The following SBNO2 variants were observed in gnomAD, a reference collection of about 807,000 sequenced individuals.
SBNO2 encodes the protein protein strawberry notch homolog 2.
In SBNO2, 89 loss-of-function variants were observed where a neutral mutation model predicts 146.3. The ratio of observed to expected loss-of-function variants is 0.61; its 90% CI spans 0.51 to 0.73. The LOEUF (loss-of-function observed/expected upper bound fraction) is 0.73, where lower values mean the gene tolerates loss of function less well. Among genes scored for constraint, SBNO2 ranks in the 30% least tolerant of loss-of-function variants. The probability of loss-of-function intolerance (pLI) is 0.00; values close to 1 mark genes in which losing one functional copy is unlikely to be tolerated. For synonymous variants in SBNO2, 1,147 were observed against 892.6 expected (o/e 1.29, Z -5.08); for missense variants, 2,092 against 2,003.7 (o/e 1.04, Z -0.84).
At chr19:1,171,059 A>G (rs1227852713) in intron 1 of SBNO2, among the ~76,000 whole-genome samples, 1 of 151,996 alleles carries the variant, frequency 6.6e-6, no homozygotes, top group Non-Finnish European at 1.5e-5. Flanking sequence ...ACATGGGTAC[A>G]CACAGGCACA....
At position 1,110,362 on chromosome 19, in the gene SBNO2, T is replaced by C. The variant is rs572453636; in HGVS notation, c.3028+383A>G. ...GCCCCGTGAAGCCTGGGGATGAGCA[T>C]GGTGGGCAGCGTGCACCAGCCTGGG... On this transcript the variant is annotated intron_variant, in intron 26 of 31. Coordinates refer to ENST00000361757, the MANE Select transcript of SBNO2 (RefSeq NM_014963.3). The surrounding 1 kb of genome is among the most constrained non-coding windows in gnomAD (Gnocchi z 4.9). Among the ~76,000 whole-genome samples, 1 of 152,162 alleles carries C rather than the reference T, an allele frequency of 6.6e-6. No homozygotes were observed. The highest frequency in any genetic ancestry group is 2.4e-5 in the African/African-American group (1 of 41,426).
chr19:1,141,118 C>G (rs1476833214), intron 4 of SBNO2, among the ~76,000 whole-genome samples: 1 of 151,790 alleles, frequency 6.6e-6, no homozygotes, highest in Non-Finnish European at 1.5e-5. Context: ...AACACGCGCC[C>G]CGGAGAAGAG....
Position 1,112,495 on chromosome 19 carries a change from G to T in SBNO2, c.2422C>A (p.Leu808Ile). 6.2e-7 allele frequency: 1 copy of T among 1,606,314 alleles called. No homozygotes were observed. ...ISEASSSGVS[L>I]QADRRVQNQR... is the part of the protein sequence containing the mutation. ...TTCTGGACACGGCGGTCGGCTTGGA[G>T]GGAGACACCCGAGCTGGAGGCCTCC... is the stretch of plus-strand genomic sequence containing the variant. Residue 808 changes from leucine to isoleucine, a missense_variant, in exon 21 of 32, where the codon CTC becomes ATC. By Grantham distance (5) the Leu-to-Ile change is conservative. Transcript: ENST00000361757. The surrounding 1 kb of genome is among the most constrained non-coding windows in gnomAD (Gnocchi z 5.9).
chr19:1,112,316 GCT>G lies in SBNO2; in HGVS notation c.2516-17_2516-16del. 1 of 1,576,624 alleles carries G rather than the reference GCT, an allele frequency of 6.3e-7. No homozygotes were observed. The highest frequency in any genetic ancestry group is 8.6e-7 in the Non-Finnish European group (1 of 1,162,762). ...GTGGGTGCGGCCTGGGGGCAGAGCTGCTCTCAGGGCCCGGCCAGGCGGGGGCG... is the reference window on the plus strand; with the variant it reads ...GTGGGTGCGGCCTGGGGGCAGAGCTGCTCAGGGCCCGGCCAGGCGGGGGCG... On this transcript the variant is annotated splice_polypyrimidine_tract_variant and intron_variant, in intron 21 of 31. Transcript: ENST00000361757. The surrounding 1 kb of genome is among the most constrained non-coding windows in gnomAD (Gnocchi z 5.9).
In SBNO2 at chr19:1,110,840, T is replaced by G; in HGVS notation, c.2933A>C (p.His978Pro). The G allele has an allele frequency of 6.2e-7, 1 of 1,613,630 alleles. No homozygotes were observed. Among genetic ancestry groups the G allele is most frequent in the Non-Finnish European group, 8.5e-7 (1 of 1,179,706 alleles). The change falls in exon 26 of 32, where the codon CAC (histidine) becomes CCC (proline). Residue 978 changes from histidine to proline, a missense_variant. Coordinates refer to ENST00000361757, the MANE Select transcript of SBNO2 (RefSeq NM_014963.3). The surrounding 1 kb of genome is among the most constrained non-coding windows in gnomAD (Gnocchi z 4.9). ...FLNRILGLEV[H>P]KQNALFQYFS... ...GTACTGGAACAGGGCGTTCTGCTTG[T>G]GCACCTCCAGCCCCAGGATGCGGTT...
In SBNO2 at chr19:1,116,818, G is replaced by A. The variant is rs753312066; in HGVS notation, c.1802+11C>T. On this transcript the variant is annotated intron_variant, in intron 16 of 31. Transcript: ENST00000361757. ...GGAAGCCCACAGTCCTGTCCCCACC[G>A]TGACACTTACTCAGCGGCCGAGACG... is the stretch of plus-strand genomic sequence containing the variant. 1.1e-5 allele frequency: 18 copies of A among 1,576,852 alleles called. No homozygotes were observed. In the South Asian group the frequency reaches 1.5e-4, roughly 13 times the overall value.
At chr19:1,131,093 G>A (rs2145251923) in intron 4 of SBNO2, among the ~76,000 whole-genome samples, 1 of 152,260 alleles carries the variant, frequency 6.6e-6, no homozygotes, top group East Asian at 1.9e-4. Context: ...TTGACTCCTA[G>A]CAGCCACCAG....
chr19:1,148,307 G>T (rs950254495), intron 3 of SBNO2, among the ~76,000 whole-genome samples: 2 of 152,078 alleles, frequency 1.3e-5, no homozygotes, highest in South Asian at 4.1e-4. Context: ...CTCCACTCCC[G>T]GGCCACAAAC....
chr19:1,147,374 C>A lies in SBNO2; in HGVS notation c.214G>T (p.Asp72Tyr). 1 of 1,481,820 alleles carries A rather than the reference C, an allele frequency of 6.7e-7. No individual in the cohort carries two copies. The highest frequency in any genetic ancestry group is 8.9e-7 in the Non-Finnish European group (1 of 1,122,198). The allele number at this position is 1,481,820 out of a possible 1,614,324, so 91.8% of individuals were successfully genotyped here. A position where few individuals can be genotyped will look rare whatever the true frequency, so the allele number is the denominator to read the frequency against. Residue 72 changes from aspartate (D) to tyrosine (Y), a missense_variant, in exon 4 of 32, where the codon GAC (aspartate) becomes TAC (tyrosine). Asp to Tyr is a radical substitution (Grantham distance 160, BLOSUM62 -3). Coordinates refer to ENST00000361757, the MANE Select transcript of SBNO2 (RefSeq NM_014963.3). The part of the protein sequence containing the change: ...ASFLGSQPCP[D>Y]TSYAPVATAS... ...GTGGCCACGGGGGCATAGCTGGTGTCTGGGCAGGGCTGGCTGCCGAGGAAG... is the reference window on the plus strand; with the variant it reads ...GTGGCCACGGGGGCATAGCTGGTGTATGGGCAGGGCTGGCTGCCGAGGAAG...
intron 1 of SBNO2, among the ~76,000 whole-genome samples, chr19:1,172,074 C>G (rs545908184): frequency 1.3e-5 from 2 of 152,168 alleles, no homozygotes; most frequent in Non-Finnish European, 2.9e-5. Context: ...CCCTCCACAC[C>G]AGGGCCCTCC....
chr19:1,146,519 G>A (rs764566836), intron 4 of SBNO2, among the ~76,000 whole-genome samples: 1 of 152,088 alleles, frequency 6.6e-6, no homozygotes, highest in Non-Finnish European at 1.5e-5. Context: ...CGGAGGCTTG[G>A]GGGAGCTGAG....
In SBNO2 at chr19:1,147,435, G is replaced by A. The variant is rs373067455; in HGVS notation, c.168-15C>T. 7.9e-4 allele frequency: 1,009 copies of A among 1,276,966 alleles called. 8 individuals are homozygous for A. The highest frequency in any genetic ancestry group is 1.0e-3 in the Non-Finnish European group (949 of 934,926). 79.1% of individuals were successfully genotyped at this position (1,276,966 alleles called of 1,614,324 possible). ...TCATGAACGGGCTGGAGGGAGATGG[G>A]GGGGGGGGAGGTGAGATGGGGTGCT... is the stretch of plus-strand genomic sequence containing the variant. On this transcript the variant is annotated splice_polypyrimidine_tract_variant and intron_variant, in intron 3 of 31. Coordinates refer to ENST00000361757, the MANE Select transcript of SBNO2 (RefSeq NM_014963.3).
intron 1 of SBNO2, among the ~76,000 whole-genome samples, chr19:1,169,736 G>A (rs902830443): frequency 1.3e-5 from 2 of 152,180 alleles, no homozygotes; most frequent in African/African-American, 2.4e-5. Context: ...TGGGGATTCC[G>A]AAGGACAGGG....
In SBNO2 at chr19:1,159,701, G is replaced by A. The variant is rs1205978018; in HGVS notation, c.-126-5299C>T. On this transcript the variant is annotated intron_variant, in intron 1 of 31. Transcript: ENST00000361757. ...TGGGGGATAGTGGGGGGGCAGCGGC[G>A]GATGGGACAGCGGGGGGACAGCAAG... Among the ~76,000 whole-genome samples, 103 of 90,092 alleles carry A rather than the reference G, an allele frequency of 1.1e-3. 2 individuals are homozygous for A. The highest frequency in any genetic ancestry group is 1.4e-3 in the Non-Finnish European group (63 of 44,492). The allele number at this position is 90,092 out of a possible 152,430, so 59.1% of individuals were successfully genotyped here.
Position 1,114,279 on chromosome 19 carries a change from C to A in SBNO2, c.2029G>T (p.Asp677Tyr). ...ACTGCATCAACGATGACAACGTCGT[C>A]ATCCACCAGGGACTCGGGGGAGGAG... ...FNSSPESLVDDDVVIVDAVGL... is the reference protein window; with the variant it reads ...FNSSPESLVDYDVVIVDAVGL... Residue 677 changes from aspartate (D) to tyrosine (Y), a missense_variant, in exon 18 of 32, where the codon GAC (aspartate) becomes TAC (tyrosine). By Grantham distance (160) the Asp-to-Tyr change is radical (BLOSUM62 -3). Coordinates refer to ENST00000361757, the MANE Select transcript of SBNO2 (RefSeq NM_014963.3). The A allele has an allele frequency of 6.5e-7, 1 of 1,549,158 alleles. No individual in the cohort carries two copies. Among genetic ancestry groups the A allele is most frequent in the Non-Finnish European group, 8.7e-7 (1 of 1,146,194 alleles).
Position 1,114,409 on chromosome 19 carries a change from T to C in SBNO2, c.1899A>G (p.Gly633=). The stretch of plus-strand genomic sequence containing the variant: ...CCAGCCGGGGGGCTTTGGCCCCGCG[T>C]CCCCGAGGTCGCCCTGCAGGGAAGG... ...AGSKRKRRPR[G]RGAKAPRLAC... is the part of the protein sequence containing the mutation. The change falls in exon 18 of 32, where the codon GGA becomes GGG. Residue 633 remains glycine (G), a synonymous_variant. Transcript: ENST00000361757. 1 of 1,532,580 alleles carries C rather than the reference T, an allele frequency of 6.5e-7. No individual in the cohort carries two copies. The highest frequency in any genetic ancestry group is 8.8e-7 in the Non-Finnish European group (1 of 1,137,280). The allele number at this position is 1,532,580 out of a possible 1,614,324, so 94.9% of individuals were successfully genotyped here. A position where few individuals can be genotyped will look rare whatever the true frequency, so the allele number is the denominator to read the frequency against.
chr19:1,108,536 CT>C lies in SBNO2; in HGVS notation c.3784del (p.Ser1262AlafsTer91). On this transcript the variant is annotated frameshift_variant, in exon 32 of 32. Coordinates refer to ENST00000361757, the MANE Select transcript of SBNO2 (RefSeq NM_014963.3). LOFTEE classifies it low-confidence loss of function (END_TRUNC). ...CGGCGGGAAGGCCTCGGCCGGGGGG[CT>C]GTAGGTGAGGTCCAGCACCTCTCCG... Reference protein sequence around the residue: ...GPGEVLDLTYSPPAEAFPPPP... With the variant: ...GPGEVLDLTYXPPAEAFPPPP... 8.2e-7 allele frequency: 1 copy of C among 1,218,104 alleles called. No individual in the cohort carries two copies. The highest frequency in any genetic ancestry group is 4.0e-5 in the East Asian group (1 of 24,998). The allele number at this position is 1,218,104 out of a possible 1,614,324, so 75.5% of individuals were successfully genotyped here.
At chr19:1,111,427 C>T (rs2079758609) in intron 24 of SBNO2, 79 bp downstream of exon 24, 1 of 1,011,888 alleles carries the variant, frequency 9.9e-7, no homozygotes. Context: ...CCTACAAAGC[C>T]TGCTGCCCCA....
intron 1 of SBNO2, among the ~76,000 whole-genome samples, chr19:1,162,501 T>A (rs914912374): frequency 8.1e-5 from 12 of 148,864 alleles, no homozygotes; most frequent in Non-Finnish European, 1.6e-4. Context: ...GGAGCCTGGA[T>A]CTCAACCCCT....
Sources: allele counts gnomAD v4.1 joint callset (sites outside exome capture counted in the v4.1 genomes callset), GRCh38; gene constraint gnomAD v4.1.1; non-coding constraint Gnocchi (gnomAD v3.1); transcripts MANE v1.5; gene names NCBI Gene and HGNC (gene_info 2026-07-23, HGNC 2026-07-21).